Variants in XPO7 observed in about 807,000 individuals in gnomAD.
XPO7 encodes exportin-7.
A neutral mutation model predicts 144.3 loss-of-function variants in XPO7; 21 were observed. That is an observed-to-expected ratio of 0.15 (90% CI 0.10 to 0.21). The LOEUF (loss-of-function observed/expected upper bound fraction) is 0.21. Among genes scored for constraint, XPO7 ranks in the 10% least tolerant of loss-of-function variants. The pLI, the probability that XPO7 is intolerant of heterozygous loss-of-function variation, is 1.00. For missense variants in XPO7, 808 were observed against 1,325.8 expected (o/e 0.61, Z 6.06); for synonymous variants, 580 against 499.6 (o/e 1.16, Z -2.15).
At position 21,920,201 on chromosome 8, in the gene XPO7, C is replaced by T. The variant is rs1055383336; in HGVS notation, c.18+413C>T. On this transcript the variant is annotated intron_variant, in intron 1 of 27. Transcript: ENST00000252512. ...CGCCCCCATGACGCCCGCCATCCCT[C>T]AGCAGATAACAAAAAGGAAACCTCG... is the stretch of plus-strand genomic sequence containing the variant. Among the ~76,000 whole-genome samples, 6 of 151,618 alleles carry T rather than the reference C, an allele frequency of 4.0e-5. No homozygotes were observed. The East Asian group carries it at 9.8e-4, about 25-fold the overall frequency.
chr8:21,963,733 A>C (rs1811800428), intron 1 of XPO7, among the ~76,000 whole-genome samples: 1 of 152,176 alleles, frequency 6.6e-6, no homozygotes, highest in African/African-American at 2.4e-5. Flanking sequence ...GGCTATTTAA[A>C]GAGCAATACT....
At chr8:21,987,929 A>C in intron 15 of XPO7, 72 bp downstream of exon 15, 1 of 1,492,698 alleles carries the variant, frequency 6.7e-7, no homozygotes, top group Non-Finnish European at 9.2e-7. Context: ...TGATCTTGGC[A>C]TTGTGCTGCC....
At chr8:21,925,072 G>A (rs1354601520) in intron 1 of XPO7, among the ~76,000 whole-genome samples, 1 of 152,194 alleles carries the variant, frequency 6.6e-6, no homozygotes, top group South Asian at 2.1e-4. Context: ...TGAATGGGGG[G>A]CAGTCACTAC....
Position 21,987,132 on chromosome 8 carries a change from T to G in XPO7, c.1578-9T>G. The G allele has an allele frequency of 6.2e-7, 1 of 1,613,670 alleles. No homozygotes were observed. Among genetic ancestry groups the G allele is most frequent in the Non-Finnish European group, 8.5e-7 (1 of 1,179,860 alleles). Reference sequence around the variant, plus strand: ...GCTGTTGAGAGAATCATTGCTCCTCTTCCTCCAGGGTGCTCCAGCTGATGA... The same window carrying G: ...GCTGTTGAGAGAATCATTGCTCCTCGTCCTCCAGGGTGCTCCAGCTGATGA... On this transcript the variant is annotated splice_polypyrimidine_tract_variant and intron_variant, in intron 13 of 27. Coordinates refer to ENST00000252512, the MANE Select transcript of XPO7 (RefSeq NM_015024.5).
At chr8:21,962,828 A>G (rs988600222) in intron 1 of XPO7, among the ~76,000 whole-genome samples, 2 of 152,156 alleles carry the variant, frequency 1.3e-5, no homozygotes, top group African/African-American at 4.8e-5. Flanking sequence ...AGTTTCTTTT[A>G]TTATCTCTGA....
intron 8 of XPO7, among the ~76,000 whole-genome samples, chr8:21,978,669 C>T (rs1269202052): frequency 2.0e-5 from 3 of 152,170 alleles, no homozygotes; most frequent in Non-Finnish European, 4.4e-5. Flanking sequence ...GGTGGTGGTG[C>T]ATGCCCCTGG....
At chr8:21,942,630 T>C (rs1811030938) in intron 1 of XPO7, among the ~76,000 whole-genome samples, 1 of 152,266 alleles carries the variant, frequency 6.6e-6, no homozygotes. Flanking sequence ...AATAGCCTTT[T>C]AGATAATTGT....
rs1350802039 is a variant in XPO7 at position 21,966,994 on chromosome 8, A to G, written c.156A>G (p.Glu52=). Reference sequence around the variant, plus strand: ...TGAGCAAGTGCCAGCTACTCCTCGAAAGAGGAAGTGTGCGTAAGATCTGAA... The same window carrying G: ...TGAGCAAGTGCCAGCTACTCCTCGAGAGAGGAAGTGTGCGTAAGATCTGAA... ...DCLSKCQLLL[E]RGSSSYSQLL... The change falls in exon 2 of 28, where the codon GAA becomes GAG. Residue 52 remains glutamate (E), a synonymous_variant. Transcript: ENST00000252512. The G allele has an allele frequency of 6.2e-7, 1 of 1,613,154 alleles. No individual in the cohort carries two copies. The highest frequency in any genetic ancestry group is 8.5e-7 in the Non-Finnish European group (1 of 1,179,554).
intron 1 of XPO7, among the ~76,000 whole-genome samples, chr8:21,932,779 C>G (rs1023769059): frequency 6.6e-6 from 1 of 152,172 alleles, no homozygotes; most frequent in African/African-American, 2.4e-5. Context: ...TTAATATAGT[C>G]TAGCGGCTAG....
At chr8:21,949,803 C>G (rs905168225) in intron 1 of XPO7, among the ~76,000 whole-genome samples, 1 of 152,214 alleles carries the variant, frequency 6.6e-6, no homozygotes, top group Non-Finnish European at 1.5e-5. Context: ...CATCTCGGCT[C>G]ACTGTACCCT....
chr8:21,958,418 C>T (rs73221572), intron 1 of XPO7, among the ~76,000 whole-genome samples: 77 of 152,220 alleles, frequency 5.1e-4, no homozygotes, highest in Non-Finnish European at 9.0e-4. Flanking sequence ...GATTTATTAG[C>T]GTTAAACTAA....
chr8:21,976,235 G>C (rs1279299910), intron 6 of XPO7, 121 bp from the exon 7 acceptor site: 14 of 1,043,966 alleles, frequency 1.3e-5, no homozygotes, highest in Non-Finnish European at 2.0e-5. Flanking sequence ...GGAGAGAAGG[G>C]GACATTTTAC....
chr8:21,993,913 G>A (rs1249221720), intron 19 of XPO7, among the ~76,000 whole-genome samples: 7 of 140,642 alleles, frequency 5.0e-5, no homozygotes, highest in Non-Finnish European at 1.1e-4. Flanking sequence ...TTTCTTTGCC[G>A]TGTCTCTCTC....
At chr8:21,950,763 T>A (rs1205395246) in intron 1 of XPO7, among the ~76,000 whole-genome samples, 1 of 152,158 alleles carries the variant, frequency 6.6e-6, no homozygotes, top group Non-Finnish European at 1.5e-5. Context: ...AATTTATATT[T>A]ACCTTTTACT....
In XPO7 at chr8:22,004,972, A is replaced by G. The variant is rs760719237; in HGVS notation, c.3171-23A>G. On this transcript the variant is annotated intron_variant, in intron 27 of 27. Coordinates refer to ENST00000252512, the MANE Select transcript of XPO7 (RefSeq NM_015024.5). ...CTTTCCCCCCCACTCTCCTCCCCCAACCCACATGCATCCTCTCTGCAGGTT... is the reference window on the plus strand; with the variant it reads ...CTTTCCCCCCCACTCTCCTCCCCCAGCCCACATGCATCCTCTCTGCAGGTT... 3.3e-6 allele frequency: 4 copies of G among 1,228,150 alleles called. No homozygotes were observed. The highest frequency in any genetic ancestry group is 4.5e-6 in the Non-Finnish European group (4 of 883,268). 76.1% of individuals were successfully genotyped at this position (1,228,150 alleles called of 1,614,324 possible).
chr8:21,963,694 C>CAA (rs5890015), intron 1 of XPO7, among the ~76,000 whole-genome samples: 6 of 131,238 alleles, frequency 4.6e-5, no homozygotes, highest in Admixed American at 8.2e-5. Context: ...GACTCCGTCT[C>CAA]AAAAAAAAAA....
chr8:21,931,197 C>G (rs765397265), intron 1 of XPO7, among the ~76,000 whole-genome samples: 1 of 151,216 alleles, frequency 6.6e-6, no homozygotes, highest in Non-Finnish European at 1.5e-5. Context: ...GAGTCTCGCT[C>G]TGTTGACCAG....
At chr8:22,000,228 A>C (rs1813092741) in intron 24 of XPO7, among the ~76,000 whole-genome samples, 2 of 152,180 alleles carry the variant, frequency 1.3e-5, no homozygotes, top group Admixed American at 1.3e-4. Context: ...TGGCTGGCAC[A>C]CTAGTCCAGA....
At chr8:21,938,044 A>C (rs2117262334) in intron 1 of XPO7, among the ~76,000 whole-genome samples, 1 of 152,262 alleles carries the variant, frequency 6.6e-6, no homozygotes, top group Admixed American at 6.5e-5. Flanking sequence ...GGTGTCTCAC[A>C]AGCCCTCTGG....
Sources: allele counts gnomAD v4.1 joint callset (sites outside exome capture counted in the v4.1 genomes callset), GRCh38; gene constraint gnomAD v4.1.1; transcripts MANE v1.5; gene names NCBI Gene and HGNC (gene_info 2026-07-23, HGNC 2026-07-21).